The following REC114 variants were observed in gnomAD, a reference collection of about 807,000 sequenced individuals.
REC114 encodes the protein REC114 meiotic recombination protein.
A neutral mutation model predicts 31.3 loss-of-function variants in REC114; 27 were observed. The ratio of observed to expected loss-of-function variants is 0.86; its 90% CI spans 0.64 to 1.19. The LOEUF (loss-of-function observed/expected upper bound fraction) is 1.19. REC114 is among the 50% of genes most tolerant of loss of function. The pLI is 0.00. For missense variants in REC114, 344 were observed against 326.9 expected (o/e 1.05, Z -0.40); for synonymous variants, 134 against 127.7 (o/e 1.05, Z -0.33).
In REC114 at chr15:73,462,502, C is replaced by G. The variant is rs184990815; in HGVS notation, c.160-11330C>G. Among the ~76,000 whole-genome samples the G allele has an allele frequency of 3.9e-5, 6 of 152,210 alleles. No individual in the cohort carries two copies. The East Asian group carries it at 1.2e-3, about 29-fold the overall frequency. ...TAGTCGACAAAGAACATGGAAGCCT[C>G]TAACAACTTGTATTCTAAAGCATTT... On this transcript the variant is annotated intron_variant, in intron 1 of 5. Transcript: ENST00000331090.
intron 2 of REC114, among the ~76,000 whole-genome samples, chr15:73,531,136 C>G (rs1894075777): frequency 6.6e-6 from 1 of 152,132 alleles, no homozygotes; most frequent in Non-Finnish European, 1.5e-5. Context: ...CAGTGACACC[C>G]CATGATATTC....
intron 2 of REC114, among the ~76,000 whole-genome samples, chr15:73,519,340 G>A (rs574011458): frequency 6.6e-6 from 1 of 152,272 alleles, no homozygotes; most frequent in East Asian, 1.9e-4. Flanking sequence ...CAACCAGAGA[G>A]CAAGCCCTCA....
chr15:73,463,746 A>G (rs770882234), intron 1 of REC114, among the ~76,000 whole-genome samples: 43 of 151,990 alleles, frequency 2.8e-4, no homozygotes, highest in Non-Finnish European at 4.7e-4. Flanking sequence ...ACTTGAACCC[A>G]CGAGACAGAG....
intron 1 of REC114, among the ~76,000 whole-genome samples, chr15:73,462,104 G>C (rs1166132602): frequency 6.6e-6 from 1 of 151,204 alleles, no homozygotes; most frequent in African/African-American, 2.4e-5. Flanking sequence ...GCTAATTTTT[G>C]TATTTTTTGT....
chr15:73,515,567 A>G lies in REC114; in HGVS notation c.250-24918A>G, dbSNP rs200117844. ...TGGAAGTGGGGGCCTTTGGGAGGTA[A>G]TTAGGTTTAGGTGAAGTCATGAGAG... is the stretch of plus-strand genomic sequence containing the variant. On this transcript the variant is annotated intron_variant, in intron 2 of 5. Transcript: ENST00000331090. Among the ~76,000 whole-genome samples, 3 of 152,176 alleles carry G rather than the reference A, an allele frequency of 2.0e-5. No homozygotes were observed. In the East Asian group the frequency reaches 5.8e-4, roughly 29 times the overall value.
chr15:73,485,691 C>T (rs1268383515), intron 2 of REC114, among the ~76,000 whole-genome samples: 1 of 152,158 alleles, frequency 6.6e-6, no homozygotes, highest in Non-Finnish European at 1.5e-5. Flanking sequence ...AGAGGCCTCC[C>T]CAGAAGCAGA....
chr15:73,514,027 G>A (rs1261771669), intron 2 of REC114, among the ~76,000 whole-genome samples: 3 of 152,116 alleles, frequency 2.0e-5, no homozygotes, highest in Non-Finnish European at 4.4e-5. Flanking sequence ...GGCAATGGCG[G>A]GCGCCCCTCC....
At chr15:73,524,738 C>A (rs1893982888) in intron 2 of REC114, among the ~76,000 whole-genome samples, 1 of 152,124 alleles carries the variant, frequency 6.6e-6, no homozygotes, top group Admixed American at 6.6e-5. Context: ...GCTGGGACTA[C>A]AGGCACCCAC....
At chr15:73,463,129 C>G (rs1893012979) in intron 1 of REC114, among the ~76,000 whole-genome samples, 2 of 152,152 alleles carry the variant, frequency 1.3e-5, no homozygotes. Flanking sequence ...TTACAAGTGT[C>G]ATAATTCTTT....
At chr15:73,542,946 C>CT (rs199804904) in intron 3 of REC114, among the ~76,000 whole-genome samples, 61,181 of 138,030 alleles carry the variant, frequency 0.44, 13,523 homozygotes, top group Middle Eastern at 0.54. Context: ...GAAGTATACA[C>CT]TTTTTTTTTT....
chr15:73,494,644 T>A (rs1893493638), intron 2 of REC114, among the ~76,000 whole-genome samples: 1 of 152,208 alleles, frequency 6.6e-6, no homozygotes, highest in African/African-American at 2.4e-5. Context: ...TCTGTGACGT[T>A]TGGTTGTTCG....
intron 1 of REC114, among the ~76,000 whole-genome samples, chr15:73,461,642 C>T (rs1486250690): frequency 3.3e-5 from 5 of 152,088 alleles, no homozygotes; most frequent in African/African-American, 1.2e-4. Context: ...AGAAGATTCT[C>T]TGTTTAACCA....
chr15:73,536,282 ACT>A (rs1214262213), intron 2 of REC114, among the ~76,000 whole-genome samples: 1 of 152,122 alleles, frequency 6.6e-6, no homozygotes, highest in Admixed American at 6.5e-5. Flanking sequence ...GTTATGACAG[ACT>A]CTCATCAATT....
chr15:73,557,711 A>G (rs898640229), intron 5 of REC114, among the ~76,000 whole-genome samples: 4 of 152,210 alleles, frequency 2.6e-5, no homozygotes, highest in African/African-American at 7.2e-5. Flanking sequence ...GGAAATATCA[A>G]TTGCTAGAAA....
intron 3 of REC114, among the ~76,000 whole-genome samples, chr15:73,544,348 T>G (rs1283547825): frequency 2.6e-5 from 4 of 152,226 alleles, no homozygotes; most frequent in African/African-American, 9.6e-5. Flanking sequence ...GGATAACTTT[T>G]AGTTTTCAAG....
intron 2 of REC114, among the ~76,000 whole-genome samples, chr15:73,491,461 T>G (rs1252175017): frequency 1.3e-5 from 2 of 152,226 alleles, no homozygotes; most frequent in East Asian, 3.9e-4. Context: ...GAGTAGAGCT[T>G]TTATGAACAT....
At chr15:73,520,904 T>C (rs1356961397) in intron 2 of REC114, among the ~76,000 whole-genome samples, 1 of 152,168 alleles carries the variant, frequency 6.6e-6, no homozygotes, top group Non-Finnish European at 1.5e-5. Context: ...CAAACAGACA[T>C]GCCTATTGAA....
intron 1 of REC114, among the ~76,000 whole-genome samples, chr15:73,471,896 T>G (rs577728496): frequency 1.3e-5 from 2 of 152,298 alleles, no homozygotes; most frequent in African/African-American, 4.8e-5. Context: ...TCTTTATGAT[T>G]CCACTCATAT....
chr15:73,453,215 A>G (rs1892874185), intron 1 of REC114, among the ~76,000 whole-genome samples: 1 of 152,232 alleles, frequency 6.6e-6, no homozygotes, highest in Non-Finnish European at 1.5e-5. Flanking sequence ...TATGGGAGAA[A>G]ACTTTTGCAA....
Sources: gnomAD v4.1 joint callset for allele counts (sites outside exome capture counted in the v4.1 genomes callset) on GRCh38, gnomAD v4.1.1 for gene constraint, MANE v1.5 for transcripts, NCBI Gene and HGNC (gene_info 2026-07-23, HGNC 2026-07-21) for gene names.